The following LIMCH1 variants were observed in gnomAD, a reference collection of about 807,000 sequenced individuals.
LIMCH1 encodes LIM and calponin homology domains 1, also known as LIM and calponin homology domains-containing protein 1.
In LIMCH1, 113 loss-of-function variants were observed where a neutral mutation model predicts 176.5. That is an observed-to-expected ratio of 0.64 (90% CI 0.55 to 0.75). The LOEUF is 0.75. LIMCH1 is among the 30% of genes least tolerant of loss of function. The pLI is 0.00. For missense variants in LIMCH1, 1,674 were observed against 1,814.9 expected (o/e 0.92, Z 1.41); for synonymous variants, 619 against 645.9 (o/e 0.96, Z 0.63).
chr4:41,369,548 A>G (rs2053626735), intron 1 of LIMCH1, among the ~76,000 whole-genome samples: 1 of 152,076 alleles, frequency 6.6e-6, no homozygotes, highest in South Asian at 2.1e-4. Context: ...TAGAGCTTAA[A>G]CCCGACTGCC....
chr4:41,528,700 G>C (rs4074205), intron 3 of LIMCH1, among the ~76,000 whole-genome samples: 61,976 of 151,964 alleles, frequency 0.41, 14,733 homozygotes, highest in African/African-American at 0.65. Flanking sequence ...ATGCCTGGAA[G>C]CCATGCCCGT....
At chr4:41,495,738 T>C (rs2072004330) in intron 2 of LIMCH1, among the ~76,000 whole-genome samples, 1 of 152,216 alleles carries the variant, frequency 6.6e-6, no homozygotes. Context: ...TTCAAAAGGA[T>C]AGAGTGAGTG....
intron 1 of LIMCH1, among the ~76,000 whole-genome samples, chr4:41,382,956 A>G (rs1003263207): frequency 6.6e-6 from 1 of 152,046 alleles, no homozygotes; most frequent in Non-Finnish European, 1.5e-5. Flanking sequence ...ACACCTGGCT[A>G]TCTTTTGGTA....
At chr4:41,451,965 C>T (rs2154147207) in intron 1 of LIMCH1, among the ~76,000 whole-genome samples, 1 of 152,286 alleles carries the variant, frequency 6.6e-6, no homozygotes, top group South Asian at 2.1e-4. Flanking sequence ...CTTCATTCAC[C>T]ACTTTGCCTC....
chr4:41,603,945 C>A (rs769190649), intron 3 of LIMCH1, 40 bp downstream of exon 3: 1 of 1,558,904 alleles, frequency 6.4e-7, no homozygotes, highest in Non-Finnish European at 8.8e-7. Flanking sequence ...TTTGATGGTT[C>A]AAGTGTAAAA....
At chr4:41,694,706 T>C (rs1415610797) in intron 31 of LIMCH1, among the ~76,000 whole-genome samples, 2 of 152,192 alleles carry the variant, frequency 1.3e-5, no homozygotes, top group East Asian at 3.8e-4. Context: ...TAAATGAACA[T>C]CCTTGTGCAT....
intron 2 of LIMCH1, among the ~76,000 whole-genome samples, chr4:41,522,707 T>C (rs1583459429): frequency 6.6e-6 from 1 of 152,142 alleles, no homozygotes; most frequent in Non-Finnish European, 1.5e-5. Context: ...TCTAAGAAAT[T>C]TGGGTTCTGG....
At chr4:41,446,951 G>A (rs1004146162) in intron 1 of LIMCH1, among the ~76,000 whole-genome samples, 1 of 152,182 alleles carries the variant, frequency 6.6e-6, no homozygotes, top group African/African-American at 2.4e-5. Context: ...TGGGCCAGGT[G>A]TGGTGGCTCA....
chr4:41,661,065 CAA>C (rs1174698535), intron 18 of LIMCH1, among the ~76,000 whole-genome samples: 2 of 151,444 alleles, frequency 1.3e-5, no homozygotes, highest in African/African-American at 4.9e-5. Context: ...TAAAGAACCA[CAA>C]AAAGACTTCA....
chr4:41,571,043 G>T (rs1277579066), intron 1 of LIMCH1, among the ~76,000 whole-genome samples: 1 of 152,154 alleles, frequency 6.6e-6, no homozygotes, highest in Non-Finnish European at 1.5e-5. Context: ...CAGATGGTGA[G>T]AATTGAAGTC....
At chr4:41,604,013 A>G (rs974200802) in intron 3 of LIMCH1, 108 bp downstream of exon 3, 17 of 1,059,030 alleles carry the variant, frequency 1.6e-5, no homozygotes, top group South Asian at 2.9e-5. Context: ...AGAAAAAAGT[A>G]TATGTGTATT....
At chr4:41,619,048 A>G (rs760014264) in intron 5 of LIMCH1, 140 bp from the exon 6 acceptor site, 1 of 1,032,182 alleles carries the variant, frequency 9.7e-7, no homozygotes, top group Non-Finnish European at 1.4e-6. Flanking sequence ...ACAAATCTAC[A>G]CTTTAGATTT....
At chr4:41,556,326 C>T (rs1399431073) in intron 1 of LIMCH1, among the ~76,000 whole-genome samples, 1 of 142,266 alleles carries the variant, frequency 7.0e-6, no homozygotes, top group Non-Finnish European at 1.5e-5. Flanking sequence ...ACCTGGGAGG[C>T]AGAGGTTGCA....
At chr4:41,401,813 T>C (rs559351777) in intron 1 of LIMCH1, among the ~76,000 whole-genome samples, 1 of 152,332 alleles carries the variant, frequency 6.6e-6, no homozygotes, top group African/African-American at 2.4e-5. Context: ...GGGAGTTCAC[T>C]CATGATTTGG....
rs148993091 is a variant in LIMCH1 at position 41,623,252 on chromosome 4, G to A, written c.725+2562G>A. Among the ~76,000 whole-genome samples, 368 of 152,288 alleles carry A rather than the reference G, an allele frequency of 2.4e-3. 1 individual carries two copies. The highest frequency in any genetic ancestry group is 8.7e-3 in the African/African-American group (361 of 41,560). On this transcript the variant is annotated intron_variant, in intron 7 of 31. Coordinates refer to ENST00000503057, the MANE Select transcript of LIMCH1 (RefSeq NM_001330672.2). ...TATCTCTCGAGGCATTTTAACCTCA[G>A]TGTTCTGTCTTTGACATCCAGATGA...
intron 2 of LIMCH1, among the ~76,000 whole-genome samples, chr4:41,502,389 A>G (rs2073460283): frequency 1.3e-5 from 2 of 152,106 alleles, no homozygotes; most frequent in South Asian, 2.1e-4. Context: ...CTGTATCTTT[A>G]TAATAGAATG....
chr4:41,458,440 G>C (rs2064882951), intron 1 of LIMCH1, among the ~76,000 whole-genome samples: 4 of 152,070 alleles, frequency 2.6e-5, no homozygotes, highest in Admixed American at 2.6e-4. Flanking sequence ...GTTTGGGTTT[G>C]GGCAAGGAGA....
At chr4:41,460,471 T>TATATATATATATATATATATATAA (rs2065198757) in intron 1 of LIMCH1, among the ~76,000 whole-genome samples, 1 of 145,130 alleles carries the variant, frequency 6.9e-6, no homozygotes, top group Non-Finnish European at 1.5e-5. Context: ...TATATATATA[T>TATATATATATATATATATATATAA]ATATATATCT....
chr4:41,487,799 C>T (rs1217195029), intron 1 of LIMCH1, among the ~76,000 whole-genome samples: 1 of 151,374 alleles, frequency 6.6e-6, no homozygotes, highest in African/African-American at 2.4e-5. Context: ...ACTACAGGCA[C>T]CTGCCACCAC....
Sources: allele counts gnomAD v4.1 joint callset (sites outside exome capture counted in the v4.1 genomes callset), GRCh38; gene constraint gnomAD v4.1.1; transcripts MANE v1.5; gene names NCBI Gene and HGNC (gene_info 2026-07-23, HGNC 2026-07-21).